SLC24A2: variants seen among roughly 807,000 people sequenced by gnomAD.
SLC24A2 encodes solute carrier family 24 member 2, also known as sodium/potassium/calcium exchanger 2.
Under a neutral mutation model 62.0 loss-of-function variants are expected in SLC24A2, and 36 were observed. The observed-to-expected ratio is 0.58, with a 90% CI of 0.44 to 0.77. The LOEUF is 0.77. Ranked by LOEUF, SLC24A2 falls within the 30% of genes least tolerant of loss-of-function variation. SLC24A2 has a pLI of 0.00. For synonymous variants in SLC24A2, 358 were observed against 294.0 expected, an observed-to-expected ratio of 1.22 and a Z score of -2.23; for missense variants, 846 against 817.9, an observed-to-expected ratio of 1.03 and a Z score of -0.42.
the SLC24A2 span, among the ~76,000 whole-genome samples, chr9:20,294,193 A>G: frequency 2.6e-5 from 4 of 151,886 alleles, no homozygotes; most frequent in Non-Finnish European, 4.4e-5. Flanking sequence ...TACAGATCCC[A>G]TATCTGTAGG....
At chr9:20,205,513 T>A in the SLC24A2 span, among the ~76,000 whole-genome samples, 1 of 151,004 alleles carries the variant, frequency 6.6e-6, no homozygotes, top group Admixed American at 6.6e-5. Flanking sequence ...TAACCAGTCG[T>A]GGTGGCAGGC....
At chr9:19,764,108 T>A (rs1336773215) in intron 2 of SLC24A2, among the ~76,000 whole-genome samples, 1 of 152,208 alleles carries the variant, frequency 6.6e-6, no homozygotes, top group African/African-American at 2.4e-5. Flanking sequence ...ATAGAGGTGT[T>A]TATAGTATTC....
the SLC24A2 span, among the ~76,000 whole-genome samples, chr9:19,901,525 TG>T: frequency 6.6e-6 from 1 of 152,026 alleles, no homozygotes; most frequent in African/African-American, 2.4e-5. Flanking sequence ...TATGATGAAA[TG>T]GGTTTGGCTA....
the SLC24A2 span, among the ~76,000 whole-genome samples, chr9:20,268,876 A>G: frequency 6.6e-6 from 1 of 152,200 alleles, no homozygotes; most frequent in South Asian, 2.1e-4. Flanking sequence ...ACTACGAAAG[A>G]GAACTCTTAA....
chr9:19,954,052 T>C, the SLC24A2 span, among the ~76,000 whole-genome samples: 10 of 152,070 alleles, frequency 6.6e-5, no homozygotes, highest in African/African-American at 2.4e-4. Context: ...GAACTATGGG[T>C]CTAGGGTAAA....
Position 19,622,315 on chromosome 9 carries a change from A to T in SLC24A2, c.931-16T>A. On this transcript the variant is annotated splice_polypyrimidine_tract_variant and intron_variant, in intron 2 of 10. Coordinates refer to ENST00000341998, the MANE Select transcript of SLC24A2 (RefSeq NM_020344.4). The stretch of plus-strand genomic sequence containing the variant: ...CTGCAGATGGCTGCATAAGAGAAAA[A>T]GGCAAAGACAAAAGACAAAGAAATA... The T allele has an allele frequency of 6.2e-7, 1 of 1,610,762 alleles. No individual in the cohort carries two copies. The highest frequency in any genetic ancestry group is 8.5e-7 in the Non-Finnish European group (1 of 1,177,254).
intron 4 of SLC24A2, among the ~76,000 whole-genome samples, chr9:19,602,539 C>T (rs986171446): frequency 2.6e-5 from 4 of 152,056 alleles, no homozygotes; most frequent in Non-Finnish European, 5.9e-5. Flanking sequence ...ATGTCAGTTA[C>T]ATTGGTATTA....
At chr9:20,218,806 A>G in the SLC24A2 span, among the ~76,000 whole-genome samples, 1 of 152,154 alleles carries the variant, frequency 6.6e-6, no homozygotes, top group Non-Finnish European at 1.5e-5. Flanking sequence ...CTCAGTTTCT[A>G]TAGGTCAGAA....
chr9:19,905,501 T>C, the SLC24A2 span, among the ~76,000 whole-genome samples: 10 of 151,802 alleles, frequency 6.6e-5, no homozygotes, highest in Admixed American at 2.6e-4. Flanking sequence ...CTCTGCTTCC[T>C]AGGTTCAAGC....
chr9:20,033,158 G>A, the SLC24A2 span, among the ~76,000 whole-genome samples: 1 of 152,198 alleles, frequency 6.6e-6, no homozygotes, highest in African/African-American at 2.4e-5. Context: ...ACATGACTGT[G>A]TGGCTTTCTA....
At chr9:20,263,144 T>C in the SLC24A2 span, among the ~76,000 whole-genome samples, 21,894 of 152,240 alleles carry the variant, frequency 0.14, 1,671 homozygotes, top group Middle Eastern at 0.22. Flanking sequence ...TGTGTACTTT[T>C]ATGTTTCTTC....
chr9:19,599,069 G>A lies in SLC24A2; in HGVS notation c.1079-1790C>T, dbSNP rs1000893591. On this transcript the variant is annotated intron_variant, in intron 4 of 10. Transcript: ENST00000341998. This position sits in a 1 kb window ranked among gnomAD's most constrained non-coding sequence, Gnocchi z 4.5. ...TTTTTATGGATCCATTTTTGTAGACGCAAACCTCTGTATGCACACACTTAT... is the reference window on the plus strand; with the variant it reads ...TTTTTATGGATCCATTTTTGTAGACACAAACCTCTGTATGCACACACTTAT... 3.3e-5 allele frequency among the ~76,000 whole-genome samples: 5 copies of A among 152,138 alleles called. No individual in the cohort carries two copies. Among genetic ancestry groups the A allele is most frequent in the South Asian group, 2.1e-4 (1 of 4,830 alleles).
At chr9:19,899,392 G>C in the SLC24A2 span, among the ~76,000 whole-genome samples, 8 of 152,170 alleles carry the variant, frequency 5.3e-5, no homozygotes. Context: ...TGGATCCCAG[G>C]AGAAGGGCTG....
chr9:19,952,174 T>A, the SLC24A2 span, among the ~76,000 whole-genome samples: 3 of 152,218 alleles, frequency 2.0e-5, no homozygotes, highest in Non-Finnish European at 4.4e-5. Flanking sequence ...TGATGTTGTA[T>A]CCTGTATCCT....
chr9:19,718,458 A>ATT (rs58736549), intron 2 of SLC24A2, among the ~76,000 whole-genome samples: 13 of 99,782 alleles, frequency 1.3e-4, no homozygotes, highest in Non-Finnish European at 2.5e-4. Flanking sequence ...ATGCCTGGCT[A>ATT]TTTTTTTTTT....
At chr9:20,214,814 G>T in the SLC24A2 span, among the ~76,000 whole-genome samples, 1 of 151,996 alleles carries the variant, frequency 6.6e-6, no homozygotes, top group African/African-American at 2.4e-5. Context: ...TTCACATAAA[G>T]CTTCTCACAT....
the SLC24A2 span, among the ~76,000 whole-genome samples, chr9:19,888,158 C>A: frequency 1.7e-3 from 261 of 152,280 alleles, no homozygotes; most frequent in African/African-American, 5.9e-3. Context: ...CCTTTCCAAC[C>A]TTTTAGTGGG....
intron 2 of SLC24A2, among the ~76,000 whole-genome samples, chr9:19,641,674 C>T (rs964861323): frequency 5.9e-5 from 9 of 152,082 alleles, no homozygotes; most frequent in African/African-American, 2.2e-4. Context: ...GCCACCGTGC[C>T]CGGCTAATTT....
chr9:19,997,900 T>C, the SLC24A2 span, among the ~76,000 whole-genome samples: 8 of 152,214 alleles, frequency 5.3e-5, no homozygotes, highest in Non-Finnish European at 1.2e-4. Flanking sequence ...CAGAATTTTA[T>C]CAATAGAAGA....
Sources: allele counts gnomAD v4.1 joint callset (sites outside exome capture counted in the v4.1 genomes callset), GRCh38; gene constraint gnomAD v4.1.1; non-coding constraint Gnocchi (gnomAD v3.1); transcripts MANE v1.5; gene names NCBI Gene and HGNC (gene_info 2026-07-23, HGNC 2026-07-21).